Variants in SLC25A30 observed in about 807,000 individuals in gnomAD.
The protein encoded by SLC25A30 is kidney mitochondrial carrier protein 1.
A neutral mutation model predicts 42.7 loss-of-function variants in SLC25A30; 29 were observed. The ratio of observed to expected loss-of-function variants is 0.68; its 90% CI spans 0.51 to 0.93. The LOEUF is 0.93. Among genes scored for constraint, SLC25A30 ranks in the 40% least tolerant of loss-of-function variants. SLC25A30 has a pLI of 0.00. For synonymous variants in SLC25A30, 124 were observed against 131.0 expected (o/e 0.95, Z 0.37); for missense variants, 300 against 359.7 (o/e 0.83, Z 1.34).
chr13:45,400,837 A>G lies in SLC25A30; in HGVS notation c.614+246T>C, dbSNP rs531626389. ...AAAAGCAAATAAAAGAATGTAAAAC[A>G]TGATCTTATTTGTGTAATAAAGTTC... On this transcript the variant is annotated intron_variant, in intron 7 of 9. Transcript: ENST00000519676. Among the ~76,000 whole-genome samples the G allele has an allele frequency of 3.3e-5, 5 of 152,300 alleles. No homozygotes were observed. The South Asian group carries it at 8.3e-4, about 25-fold the overall frequency.
chr13:45,425,183 T>C, the SLC25A30 span, among the ~76,000 whole-genome samples: 6 of 98,294 alleles, frequency 6.1e-5, no homozygotes, highest in African/African-American at 2.6e-4. Flanking sequence ...TATAAATATA[T>C]ATACATATAT....
chr13:45,415,383 G>A (rs1883429741), intron 1 of SLC25A30, among the ~76,000 whole-genome samples: 1 of 152,028 alleles, frequency 6.6e-6, no homozygotes, highest in East Asian at 1.9e-4. Context: ...TGGGGGGCAG[G>A]GCAGGGAATT....
At chr13:45,430,934 C>T in the SLC25A30 span, among the ~76,000 whole-genome samples, 1 of 152,078 alleles carries the variant, frequency 6.6e-6, no homozygotes, top group Admixed American at 6.6e-5. Context: ...ATTAGGATGC[C>T]TCAGGGCTCT....
the SLC25A30 span, among the ~76,000 whole-genome samples, chr13:45,425,206 G>A: frequency 2.1e-5 from 2 of 97,320 alleles, no homozygotes; most frequent in African/African-American, 4.3e-5. Context: ...ATATATGTAA[G>A]TATATATATA....
chr13:45,433,031 T>C, the SLC25A30 span, among the ~76,000 whole-genome samples: 1 of 16,938 alleles, frequency 5.9e-5, no homozygotes, highest in African/African-American at 2.8e-4. Context: ...AGACTCTTTC[T>C]CAAAAAAAAA....
At chr13:45,423,008 T>C (rs1327755147), upstream of SLC25A30, among the ~76,000 whole-genome samples, 2 of 152,110 alleles carry the variant, frequency 1.3e-5, no homozygotes, top group Admixed American at 6.6e-5. Context: ...GTTACCGCAC[T>C]TCAAAAGAAT....
the SLC25A30 span, among the ~76,000 whole-genome samples, chr13:45,432,472 A>G: frequency 6.6e-6 from 1 of 152,128 alleles, no homozygotes; most frequent in Non-Finnish European, 1.5e-5. Context: ...GATTATCATT[A>G]TTCCACACAT....
chr13:45,425,402 ATATATATAAATATATAAG>A, the SLC25A30 span, among the ~76,000 whole-genome samples: 2 of 109,628 alleles, frequency 1.8e-5, no homozygotes, highest in East Asian at 2.4e-4. Flanking sequence ...ATATATATGT[ATATATATAAATATATAAG>A]TATATATAAA....
At chr13:45,430,933 C>G in the SLC25A30 span, among the ~76,000 whole-genome samples, 1 of 152,088 alleles carries the variant, frequency 6.6e-6, no homozygotes, top group Non-Finnish European at 1.5e-5. Context: ...TATTAGGATG[C>G]CTCAGGGCTC....
At chr13:45,398,140 A>ACGTGATTTCTTTTTT in intron 8 of SLC25A30, 2 of 736,998 alleles carry the variant, frequency 2.7e-6, no homozygotes, top group Non-Finnish European at 3.3e-6. Context: ...ATAAAAAAGA[A>ACGTGATTTCTTTTTT]ATCACGTTCT....
upstream of SLC25A30, among the ~76,000 whole-genome samples, chr13:45,419,887 G>A (rs980287043): frequency 2.6e-5 from 4 of 151,736 alleles, no homozygotes; most frequent in African/African-American, 9.7e-5. Context: ...CCGAGATCAC[G>A]CCGCTGCACT....
chr13:45,399,092 A>G lies in SLC25A30; in HGVS notation c.615-14T>C. The G allele has an allele frequency of 6.4e-7, 1 of 1,555,640 alleles. No individual in the cohort carries two copies. The highest frequency in any genetic ancestry group is 8.6e-7 in the Non-Finnish European group (1 of 1,156,330). ...GTGAAGCTTGAGCTATAAAGACACC[A>G]TTGGAAAAAAAAAAAAAAGTTAACC... On this transcript the variant is annotated splice_polypyrimidine_tract_variant and intron_variant, in intron 7 of 9. Coordinates refer to ENST00000519676, the MANE Select transcript of SLC25A30 (RefSeq NM_001010875.4).
At chr13:45,418,611 G>T (rs1472100257), upstream of SLC25A30, 1 of 152,230 alleles carries the variant, frequency 6.6e-6, no homozygotes, top group East Asian at 1.9e-4. Flanking sequence ...GACACCTGAT[G>T]TGGCCTCCGA....
intron 5 of SLC25A30, among the ~76,000 whole-genome samples, chr13:45,404,041 G>A (rs2137652210): frequency 6.6e-6 from 1 of 151,694 alleles, no homozygotes; most frequent in East Asian, 1.9e-4. Context: ...AATAAAACAA[G>A]GAACATTTTC....
At chr13:45,401,342 T>C (rs1054941877) in intron 6 of SLC25A30, 135 bp from the exon 7 acceptor site, 1 of 862,062 alleles carries the variant, frequency 1.2e-6, no homozygotes, top group Admixed American at 2.8e-5. Context: ...AAATGTAGAG[T>C]GACAGAGCGG....
the SLC25A30 span, among the ~76,000 whole-genome samples, chr13:45,429,800 A>T: frequency 6.6e-6 from 1 of 151,826 alleles, no homozygotes; most frequent in Admixed American, 6.6e-5. Context: ...GCCCCACTGC[A>T]CTCCAGCCTA....
upstream of SLC25A30, among the ~76,000 whole-genome samples, chr13:45,421,104 C>T (rs1000000806): frequency 7.3e-5 from 11 of 150,974 alleles, no homozygotes; most frequent in African/African-American, 2.4e-4. Flanking sequence ...AAAGGCCAGG[C>T]GTGGTGGCTC....
chr13:45,400,100 T>C (rs1881815880), intron 7 of SLC25A30, among the ~76,000 whole-genome samples: 1 of 150,036 alleles, frequency 6.7e-6, no homozygotes, highest in Non-Finnish European at 1.5e-5. Context: ...GATATATCCA[T>C]ACAATGTGAT....
chr13:45,400,066 AT>A (rs1881811772), intron 7 of SLC25A30, among the ~76,000 whole-genome samples: 1 of 149,136 alleles, frequency 6.7e-6, no homozygotes, highest in African/African-American at 2.5e-5. Context: ...ACACACACAC[AT>A]ATGAATGATA....
Sources: gnomAD v4.1 joint callset for allele counts (sites outside exome capture counted in the v4.1 genomes callset) on GRCh38, gnomAD v4.1.1 for gene constraint, MANE v1.5 for transcripts, NCBI Gene and HGNC (gene_info 2026-07-23, HGNC 2026-07-21) for gene names.